Variants in SDK2 observed in about 807,000 individuals in gnomAD.
The protein encoded by SDK2 is sidekick cell adhesion molecule 2, also known as protein sidekick-2.
In SDK2, 105 loss-of-function variants were observed where a neutral mutation model predicts 253.9. That is an observed-to-expected ratio of 0.41 (90% CI 0.35 to 0.49). The LOEUF (loss-of-function observed/expected upper bound fraction) is 0.49. SDK2 is among the 20% of genes least tolerant of loss of function. The probability of loss-of-function intolerance (pLI) is 0.06; values close to 1 mark genes in which losing one functional copy is unlikely to be tolerated. For missense variants in SDK2, 2,608 were observed against 3,003.0 expected (o/e 0.87, Z 3.07); for synonymous variants, 1,249 against 1,234.9 (o/e 1.01, Z -0.24).
intron 1 of SDK2, among the ~76,000 whole-genome samples, chr17:73,550,386 A>G (rs2045036383): frequency 6.6e-6 from 1 of 152,180 alleles, no homozygotes; most frequent in African/African-American, 2.4e-5. Context: ...AAATAGCTCA[A>G]TTACTGCCAA....
At chr17:73,606,701 T>C (rs2045912830) in intron 1 of SDK2, among the ~76,000 whole-genome samples, 1 of 152,150 alleles carries the variant, frequency 6.6e-6, no homozygotes, top group Non-Finnish European at 1.5e-5. Context: ...CGATCGACTC[T>C]ATCCATGGAG....
At chr17:73,412,137 T>TACAC (rs1186355535) in intron 18 of SDK2, among the ~76,000 whole-genome samples, 15 of 23,298 alleles carry the variant, frequency 6.4e-4, no homozygotes, top group African/African-American at 1.2e-3. Flanking sequence ...TATGTGTATG[T>TACAC]GTATATGTAT....
chr17:73,402,882 C>T (rs2063040230), intron 18 of SDK2, among the ~76,000 whole-genome samples: 1 of 152,176 alleles, frequency 6.6e-6, no homozygotes. Flanking sequence ...ACTGCAACCT[C>T]TGCCTCCCGG....
intron 9 of SDK2, among the ~76,000 whole-genome samples, chr17:73,434,505 G>C (rs987728374): frequency 6.6e-6 from 1 of 152,206 alleles, no homozygotes; most frequent in African/African-American, 2.4e-5. Context: ...CCCTGTCCGC[G>C]GCCTCTGTGG....
In SDK2 at chr17:73,629,356, TCCC is replaced by T. The variant is rs1326194828; in HGVS notation, c.64+14666_64+14668del. Among the ~76,000 whole-genome samples the T allele has an allele frequency of 2.6e-5, 4 of 152,144 alleles. No individual in the cohort carries two copies. Among genetic ancestry groups the T allele is most frequent in the African/African-American group, 9.7e-5 (4 of 41,412 alleles). ...ATTCACCGTGGTTTAAGCTGCTGTT[TCCC>T]TCCTGACGCTTGCATAGCTTCTATG... On this transcript the variant is annotated intron_variant, in intron 1 of 44. Transcript: ENST00000392650. This position sits in a 1 kb window ranked among gnomAD's most constrained non-coding sequence, Gnocchi z 5.0.
intron 1 of SDK2, among the ~76,000 whole-genome samples, chr17:73,597,656 T>C (rs2045778704): frequency 6.6e-6 from 1 of 151,484 alleles, no homozygotes; most frequent in Admixed American, 6.6e-5. Context: ...TTTCTTTTTT[T>C]TTTTTTTGAG....
intron 1 of SDK2, among the ~76,000 whole-genome samples, chr17:73,535,293 C>G (rs1429776222): frequency 6.6e-6 from 1 of 152,202 alleles, no homozygotes; most frequent in Non-Finnish European, 1.5e-5. Flanking sequence ...TGCTGTGTGG[C>G]TTAGAAGGCG....
At chr17:73,491,345 A>T (rs1350768611) in intron 2 of SDK2, among the ~76,000 whole-genome samples, 1 of 146,576 alleles carries the variant, frequency 6.8e-6, no homozygotes, top group African/African-American at 2.5e-5. Context: ...CCCAGAGCCA[A>T]CTCCTCTCTC....
intron 1 of SDK2, among the ~76,000 whole-genome samples, chr17:73,556,861 A>T (rs1320755346): frequency 3.3e-5 from 5 of 152,208 alleles, no homozygotes; most frequent in African/African-American, 1.2e-4. Context: ...GGGGGTGATG[A>T]TGATCATAGA....
chr17:73,472,247 C>A, intron 2 of SDK2, 29 bp from the exon 3 acceptor site: 1 of 1,510,626 alleles, frequency 6.6e-7, no homozygotes, highest in Non-Finnish European at 9.0e-7. Flanking sequence ...AGCCAGTGAG[C>A]AAGTCAGGCA....
rs2145865490 is a variant in SDK2 at position 73,570,031 on chromosome 17, A to G, written c.65-62434T>C. Among the ~76,000 whole-genome samples, 1 of 152,290 alleles carries G rather than the reference A, an allele frequency of 6.6e-6. No individual in the cohort carries two copies. On this transcript the variant is annotated intron_variant, in intron 1 of 44. Coordinates refer to ENST00000392650, the MANE Select transcript of SDK2 (RefSeq NM_001144952.2). This position sits in a 1 kb window ranked among gnomAD's most constrained non-coding sequence, Gnocchi z 4.2. ...GGTGAAGGATGAGGAGCAGGACCTC[A>G]GCGCTCTAACTCTTTCAGGCTTCGG...
Position 73,447,806 on chromosome 17 carries a change from G to A in SDK2, c.480-58C>T. 10 of 1,546,256 alleles carry A rather than the reference G, an allele frequency of 6.5e-6. No individual in the cohort carries two copies. Among genetic ancestry groups the A allele is most frequent in the Non-Finnish European group, 8.8e-6 (10 of 1,142,782 alleles). On this transcript the variant is annotated intron_variant, in intron 4 of 44. Coordinates refer to ENST00000392650, the MANE Select transcript of SDK2 (RefSeq NM_001144952.2). This position sits in a 1 kb window ranked among gnomAD's most constrained non-coding sequence, Gnocchi z 4.0. ...GCCTAAGGGGCTCTGAACCTCCAGG[G>A]AGTGGGAGTGGAAACCCTAAGGGGG...
rs58966207 is a variant in SDK2 at position 73,545,099 on chromosome 17, G to GCACACACA, written c.65-37510_65-37503dup. Reference sequence around the variant, plus strand: ...GCATTCTCATTGCGTGCACGTGCACGCACACACACACACACACACACACAC... The same window carrying GCACACACA: ...GCATTCTCATTGCGTGCACGTGCACGCACACACACACACACACACACACACACACACAC... On this transcript the variant is annotated intron_variant, in intron 1 of 44. Coordinates refer to ENST00000392650, the MANE Select transcript of SDK2 (RefSeq NM_001144952.2). 6.3e-3 allele frequency among the ~76,000 whole-genome samples: 912 copies of GCACACACA among 145,810 alleles called. 4 individuals carry two copies. The highest frequency in any genetic ancestry group is 0.011 in the African/African-American group (442 of 39,012).
intron 3 of SDK2, among the ~76,000 whole-genome samples, chr17:73,468,425 G>C (rs754778886): frequency 4.6e-5 from 7 of 152,198 alleles, no homozygotes; most frequent in Non-Finnish European, 1.0e-4. Context: ...GGCTCAGAGA[G>C]GTCCAGTCAC....
chr17:73,339,757 A>T (rs2062418492), intron 44 of SDK2, among the ~76,000 whole-genome samples: 1 of 151,570 alleles, frequency 6.6e-6, no homozygotes, highest in Non-Finnish European at 1.5e-5. Flanking sequence ...AGCTCTCCTT[A>T]TGTTGCCCAG....
At chr17:73,608,404 G>C (rs554791902) in intron 1 of SDK2, among the ~76,000 whole-genome samples, 1 of 151,948 alleles carries the variant, frequency 6.6e-6, no homozygotes, top group Non-Finnish European at 1.5e-5. Context: ...GGGGAGACAG[G>C]GTTTGCTACC....
intron 3 of SDK2, among the ~76,000 whole-genome samples, chr17:73,457,562 G>T (rs1429053481): frequency 2.0e-5 from 3 of 151,566 alleles, no homozygotes; most frequent in Non-Finnish European, 4.4e-5. Flanking sequence ...TGTTGGCCAG[G>T]CCGGTCTTGA....
At position 73,569,343 on chromosome 17, in the gene SDK2, G is replaced by A. The variant is rs1022566388; in HGVS notation, c.65-61746C>T. 5.3e-5 allele frequency among the ~76,000 whole-genome samples: 8 copies of A among 151,898 alleles called. No individual in the cohort carries two copies. In the South Asian group the frequency reaches 1.2e-3, roughly 24 times the overall value. On this transcript the variant is annotated intron_variant, in intron 1 of 44. Transcript: ENST00000392650. ...CTCCTGAGTAGCTGGGATTACGGGCGCACGCCACCACACCCAGCTAATTTT... is the reference window on the plus strand; with the variant it reads ...CTCCTGAGTAGCTGGGATTACGGGCACACGCCACCACACCCAGCTAATTTT...
At chr17:73,530,836 G>A (rs1322401093) in intron 1 of SDK2, among the ~76,000 whole-genome samples, 8 of 152,164 alleles carry the variant, frequency 5.3e-5, no homozygotes, top group Non-Finnish European at 5.9e-5. Flanking sequence ...GGCCCCAGTA[G>A]AGCATCTAGC....
Sources: allele counts gnomAD v4.1 joint callset (sites outside exome capture counted in the v4.1 genomes callset), GRCh38; gene constraint gnomAD v4.1.1; non-coding constraint Gnocchi (gnomAD v3.1); transcripts MANE v1.5; gene names NCBI Gene and HGNC (gene_info 2026-07-23, HGNC 2026-07-21).